LINC00237: variants seen among roughly 807,000 people sequenced by gnomAD.
LINC00237 encodes the protein long intergenic non-protein coding RNA 237.
chr20:21,094,903 T>C (rs546473341), intron 1 of LINC00237, among the ~76,000 whole-genome samples: 48 of 152,170 alleles, frequency 3.2e-4, no homozygotes, highest in Admixed American at 3.1e-3. Flanking sequence ...TACAAAAAAT[T>C]AGCTGGGCAT....
intron 2 of LINC00237, among the ~76,000 whole-genome samples, chr20:21,092,324 G>A (rs1195878284): frequency 6.6e-6 from 1 of 152,212 alleles, no homozygotes; most frequent in Non-Finnish European, 1.5e-5. Context: ...TGACGATCAA[G>A]TCTCAGTGTG....
At chr20:21,086,657 G>GTATACTATA (rs1568883445) in intron 3 of LINC00237, among the ~76,000 whole-genome samples, 6 of 103,466 alleles carry the variant, frequency 5.8e-5, no homozygotes, top group African/African-American at 1.8e-4. Flanking sequence ...TACTATATAT[G>GTATACTATA]TATAGTATAC....
At chr20:21,085,966 G>A (rs1371011196) in intron 3 of LINC00237, among the ~76,000 whole-genome samples, 1 of 152,164 alleles carries the variant, frequency 6.6e-6, no homozygotes, top group East Asian at 1.9e-4. Flanking sequence ...TAACCCTCAA[G>A]ACCCACAGGG....
At chr20:21,097,753 A>C (rs545821518) in intron 1 of LINC00237, among the ~76,000 whole-genome samples, 1 of 152,294 alleles carries the variant, frequency 6.6e-6, no homozygotes, top group South Asian at 2.1e-4. Flanking sequence ...ATGCTCAACA[A>C]ACCTCTCTCC....
chr20:21,103,827 C>T (rs1234888317), intron 1 of LINC00237, among the ~76,000 whole-genome samples: 1 of 152,190 alleles, frequency 6.6e-6, no homozygotes, highest in Non-Finnish European at 1.5e-5. Flanking sequence ...ACTCATCTTG[C>T]AGGTGTCCGA....
chr20:21,093,538 C>A (rs565184496), exon 2 of LINC00237: 1 of 152,362 alleles, frequency 6.6e-6, no homozygotes, highest in African/African-American at 2.4e-5. Flanking sequence ...GACAAACGGT[C>A]CAATCACAAC....
chr20:21,099,846 T>A (rs2030907356), intron 1 of LINC00237, among the ~76,000 whole-genome samples: 1 of 152,196 alleles, frequency 6.6e-6, no homozygotes, highest in Non-Finnish European at 1.5e-5. Flanking sequence ...TGCCAGATAA[T>A]TCAGAAACTA....
In LINC00237 at chr20:21,101,811, G is replaced by A. The variant is rs1361770938; in HGVS notation, n.88+4460C>T. On this transcript the variant is annotated intron_variant and non_coding_transcript_variant, in intron 1 of 3. Coordinates refer to ENST00000691244, the Ensembl canonical transcript of LINC00237. The surrounding 1 kb of genome is among the most constrained non-coding windows in gnomAD (Gnocchi z 4.3). Reference sequence around the variant, plus strand: ...CTGCGCCACCGTGGGGATGGAGGTGGGAGTTGGAACACAGCCCCCTAGCTG... The same window carrying A: ...CTGCGCCACCGTGGGGATGGAGGTGAGAGTTGGAACACAGCCCCCTAGCTG... Among the ~76,000 whole-genome samples, 16 of 152,226 alleles carry A rather than the reference G, an allele frequency of 1.1e-4. No individual in the cohort carries two copies. The highest frequency in any genetic ancestry group is 1.0e-3 in the Admixed American group (16 of 15,290).
At chr20:21,094,920 G>A (rs2030837236) in intron 1 of LINC00237, among the ~76,000 whole-genome samples, 1 of 152,166 alleles carries the variant, frequency 6.6e-6, no homozygotes. Context: ...GCATGGTGGT[G>A]CGTGCCTGTA....
At position 21,101,166 on chromosome 20, in the gene LINC00237, A is replaced by G. The variant is rs539007008; in HGVS notation, n.88+5105T>C. On this transcript the variant is annotated intron_variant and non_coding_transcript_variant, in intron 1 of 3. Transcript: ENST00000691244. This position sits in a 1 kb window ranked among gnomAD's most constrained non-coding sequence, Gnocchi z 4.3. ...GCTGGGATGGGGAAATTACTTGATT[A>G]GCGTCCATCGGAGGAGAACACGGTT... Among the ~76,000 whole-genome samples, 291 of 152,326 alleles carry G rather than the reference A, an allele frequency of 1.9e-3. 5 individuals carry two copies. The highest frequency in any genetic ancestry group is 6.7e-3 in the African/African-American group (280 of 41,574).
chr20:21,097,065 C>T (rs1237918469), intron 1 of LINC00237, among the ~76,000 whole-genome samples: 6 of 152,190 alleles, frequency 3.9e-5, no homozygotes, highest in Non-Finnish European at 5.9e-5. Context: ...GAAAGAACCA[C>T]GGGGCTAGCT....
intron 3 of LINC00237, among the ~76,000 whole-genome samples, chr20:21,086,639 A>ACTATATATG (rs2030702489): frequency 4.2e-5 from 5 of 119,922 alleles, no homozygotes; most frequent in South Asian, 2.4e-4. Context: ...AGTATACTAT[A>ACTATATATG]TATAGTATAC....
intron 2 of LINC00237, among the ~76,000 whole-genome samples, chr20:21,088,970 G>A (rs1239701209): frequency 5.9e-5 from 9 of 151,942 alleles, no homozygotes; most frequent in Admixed American, 2.6e-4. Context: ...ATTATTATCA[G>A]ATTGTAGCGA....
At chr20:21,106,131 G>C (rs1456668920) in intron 1 of LINC00237, 1 of 152,436 alleles carries the variant, frequency 6.6e-6, no homozygotes, top group Non-Finnish European at 1.5e-5. Context: ...ACGCGCCTTT[G>C]CCGGGGAAAG....
chr20:21,105,413 T>C lies in LINC00237; in HGVS notation n.88+858A>G, dbSNP rs373972457. On this transcript the variant is annotated intron_variant and non_coding_transcript_variant, in intron 1 of 3. Coordinates refer to ENST00000691244, the Ensembl canonical transcript of LINC00237. ...CCATGGAATAAGAGGCGACTCTCCCTGTGTCCCGCAAGTGGTTTCTCGAGG... is the reference window on the plus strand; with the variant it reads ...CCATGGAATAAGAGGCGACTCTCCCCGTGTCCCGCAAGTGGTTTCTCGAGG... 3.9e-5 allele frequency among the ~76,000 whole-genome samples: 6 copies of C among 152,150 alleles called. No homozygotes were observed. In the South Asian group the frequency reaches 1.2e-3, roughly 32 times the overall value.
chr20:21,094,301 C>T (rs1171665623), intron 1 of LINC00237, among the ~76,000 whole-genome samples: 15 of 152,200 alleles, frequency 9.9e-5, no homozygotes, highest in African/African-American at 2.9e-4. Context: ...CACAGACACT[C>T]GTGTTGAGAC....
chr20:21,100,091 CT>C (rs894482127), intron 1 of LINC00237, among the ~76,000 whole-genome samples: 8 of 152,000 alleles, frequency 5.3e-5, no homozygotes, highest in African/African-American at 1.7e-4. Context: ...CTTCTCTTCG[CT>C]TTTTTTTCTT....
At chr20:21,086,867 AG>A (rs2030716756) in intron 3 of LINC00237, among the ~76,000 whole-genome samples, 1 of 132,194 alleles carries the variant, frequency 7.6e-6, no homozygotes, top group African/African-American at 2.8e-5. Flanking sequence ...ATATGTATAT[AG>A]TATACACTAT....
intron 2 of LINC00237, among the ~76,000 whole-genome samples, chr20:21,089,214 A>C (rs2030757205): frequency 6.6e-6 from 1 of 151,100 alleles, no homozygotes; most frequent in Admixed American, 6.7e-5. Flanking sequence ...TTAGAAATGT[A>C]TTATTTATCT....
Sources: gnomAD v4.1 joint callset for allele counts (sites outside exome capture counted in the v4.1 genomes callset) on GRCh38, gnomAD v4.1.1 for gene constraint, Gnocchi (gnomAD v3.1) non-coding constraint, MANE v1.5 for transcripts, NCBI Gene and HGNC (gene_info 2026-07-23, HGNC 2026-07-21) for gene names.